The following C2orf69 variants were observed in gnomAD, a reference collection of about 807,000 sequenced individuals.
C2orf69 encodes the protein chromosome 2 open reading frame 69, also known as mitochondrial protein C2orf69.
Under a neutral mutation model 29.5 loss-of-function variants are expected in C2orf69, and 19 were observed. The observed-to-expected ratio is 0.65, with a 90% CI of 0.45 to 0.95. The LOEUF is 0.95. Ranked by LOEUF, C2orf69 falls within the 40% of genes least tolerant of loss-of-function variation. The pLI is 0.00. For missense variants in C2orf69, 416 were observed against 482.1 expected (o/e 0.86, Z 1.28); for synonymous variants, 194 against 180.0 (o/e 1.08, Z -0.62).
chr2:199,918,278 G>A (rs1211289733), intron 1 of C2orf69, among the ~76,000 whole-genome samples: 2 of 151,974 alleles, frequency 1.3e-5, no homozygotes, highest in African/African-American at 4.8e-5. Context: ...TTTAAAGTAG[G>A]TGCTTTCCAT....
At chr2:199,920,570 C>T (rs1239248645) in intron 1 of C2orf69, among the ~76,000 whole-genome samples, 1 of 151,958 alleles carries the variant, frequency 6.6e-6, no homozygotes, top group Admixed American at 6.6e-5. Flanking sequence ...TAGATGAGCC[C>T]TTCGAGATGT....
At chr2:199,914,777 T>G (rs1336105785) in intron 1 of C2orf69, among the ~76,000 whole-genome samples, 1 of 152,218 alleles carries the variant, frequency 6.6e-6, no homozygotes, top group Non-Finnish European at 1.5e-5. Flanking sequence ...TGGAACAGCC[T>G]TCCAAGTAGA....
intron 1 of C2orf69, among the ~76,000 whole-genome samples, chr2:199,916,002 G>C (rs2077291335): frequency 6.6e-6 from 1 of 152,150 alleles, no homozygotes. Flanking sequence ...TTACAAGAAA[G>C]CTAAGGCCAT....
At chr2:199,917,751 G>A (rs1379844761) in intron 1 of C2orf69, among the ~76,000 whole-genome samples, 1 of 152,136 alleles carries the variant, frequency 6.6e-6, no homozygotes, top group Non-Finnish European at 1.5e-5. Context: ...ACCTCTGCCT[G>A]TTACCCAGCT....
rs963595477 is a variant in C2orf69 at position 199,911,304 on chromosome 2, T to C, written c.-135T>C. On this transcript the variant is annotated 5_prime_UTR_variant, in exon 1 of 2. Transcript: ENST00000319974. ...GCGCGGACGTCGGCCTCTGACGTCG[T>C]CGCCTCAGCGCCGGCTCCCGGCCGG... 9.2e-7 allele frequency: 1 copy of C among 1,091,112 alleles called. No individual in the cohort carries two copies. Among genetic ancestry groups the C allele is most frequent in the Non-Finnish European group, 1.2e-6 (1 of 821,968 alleles). The allele number at this position is 1,091,112 out of a possible 1,614,324, so 67.6% of individuals were successfully genotyped here.
chr2:199,916,814 G>C (rs531115024), intron 1 of C2orf69, among the ~76,000 whole-genome samples: 1 of 152,320 alleles, frequency 6.6e-6, no homozygotes, highest in South Asian at 2.1e-4. Flanking sequence ...TTCATGGCTG[G>C]TGTTGAGTAT....
chr2:199,913,502 A>T (rs1439622942), intron 1 of C2orf69, among the ~76,000 whole-genome samples: 2 of 65,018 alleles, frequency 3.1e-5, no homozygotes, highest in Non-Finnish European at 5.3e-5. Context: ...TATTATATAA[A>T]ATATATATTA....
Position 199,925,819 on chromosome 2 carries a change from G to A in C2orf69, c.1091G>A (p.Ser364Asn), listed in dbSNP as rs753291869. Residue 364 changes from serine to asparagine, a missense_variant, in exon 2 of 2, where the codon AGC becomes AAC. By Grantham distance (46) the Ser-to-Asn change is conservative. Coordinates refer to ENST00000319974, the MANE Select transcript of C2orf69 (RefSeq NM_153689.6). The surrounding 1 kb of genome is among the most constrained non-coding windows in gnomAD (Gnocchi z 4.9). ...GGGGATCTTGGTATGCAGGTGACTA[G>A]CCAAATTCATTTTACAAAGGAAGCT... ...ILGDLGMQVT[S>N]QIHFTKEAPS... is the part of the protein sequence containing the mutation. 8 of 1,613,664 alleles carry A rather than the reference G, an allele frequency of 5.0e-6. No homozygotes were observed. The African/African-American group carries it at 1.1e-4, about 22-fold the overall frequency.
chr2:199,913,233 AAT>A (rs1186180424), intron 1 of C2orf69, among the ~76,000 whole-genome samples: 3 of 35,638 alleles, frequency 8.4e-5, no homozygotes, highest in East Asian at 1.0e-3. Context: ...TATATATTAT[AAT>A]ATATATAATA....
intron 1 of C2orf69, among the ~76,000 whole-genome samples, chr2:199,924,150 A>G (rs891695200): frequency 1.3e-5 from 2 of 152,206 alleles, no homozygotes; most frequent in East Asian, 1.9e-4. Context: ...ACTCATGCCT[A>G]TAATACCAAT....
chr2:199,922,448 C>G (rs1428117381), intron 1 of C2orf69, among the ~76,000 whole-genome samples: 3 of 151,994 alleles, frequency 2.0e-5, no homozygotes, highest in African/African-American at 7.2e-5. Context: ...TTTTTTAGTC[C>G]TTATTTTACA....
chr2:199,921,639 T>G (rs1226749755), intron 1 of C2orf69, among the ~76,000 whole-genome samples: 2 of 152,132 alleles, frequency 1.3e-5, no homozygotes, highest in African/African-American at 4.8e-5. Context: ...TAACCTTAGA[T>G]GTCTAACAAT....
Position 199,925,832 on chromosome 2 carries a change from TACAAA to T in C2orf69, c.1105_1109del (p.Thr369GlyfsTer13). Reference sequence around the variant, plus strand: ...TGCAGGTGACTAGCCAAATTCATTTTACAAAGGAAGCTCCTTCCATAGAGAATCAC... The same window carrying T: ...TGCAGGTGACTAGCCAAATTCATTTTGGAAGCTCCTTCCATAGAGAATCAC... On this transcript the variant is annotated frameshift_variant, in exon 2 of 2. Transcript: ENST00000319974. LOFTEE classifies it high-confidence loss of function. The surrounding 1 kb of genome is among the most constrained non-coding windows in gnomAD (Gnocchi z 4.9). The T allele has an allele frequency of 6.2e-7, 1 of 1,613,810 alleles. No individual in the cohort carries two copies. The highest frequency in any genetic ancestry group is 8.5e-7 in the Non-Finnish European group (1 of 1,179,792).
intron 1 of C2orf69, among the ~76,000 whole-genome samples, chr2:199,922,953 C>A (rs1336448085): frequency 6.6e-6 from 1 of 152,166 alleles, no homozygotes; most frequent in African/African-American, 2.4e-5. Context: ...TCTCCTTTTC[C>A]CCAAACCATC....
rs771069460 is a variant in C2orf69 at position 199,925,591 on chromosome 2, C to G, written c.863C>G (p.Ala288Gly). The change falls in exon 2 of 2, where the codon GCT (alanine) becomes GGT (glycine). Residue 288 changes from alanine to glycine, a missense_variant. This residue lies in a region of C2orf69 where 225 missense variants were observed against 307.3 expected (regional missense o/e 0.73). Transcript: ENST00000319974. The surrounding 1 kb of genome is among the most constrained non-coding windows in gnomAD (Gnocchi z 4.9). ...KEAKKDKNID[A>G]FIKSIRTMYW... ...GCCAAGAAAGACAAGAACATAGATG[C>G]TTTTATCAAAAGCATAAGAACAATG... 1 of 1,613,848 alleles carries G rather than the reference C, an allele frequency of 6.2e-7. No individual in the cohort carries two copies. The highest frequency in any genetic ancestry group is 2.2e-5 in the East Asian group (1 of 44,872).
chr2:199,921,873 G>T (rs2077317516), intron 1 of C2orf69, among the ~76,000 whole-genome samples: 1 of 151,416 alleles, frequency 6.6e-6, no homozygotes, highest in African/African-American at 2.4e-5. Flanking sequence ...TTTGTATATA[G>T]AATTTTTGTA....
chr2:199,915,707 G>C (rs1220931406), intron 1 of C2orf69, among the ~76,000 whole-genome samples: 1 of 151,686 alleles, frequency 6.6e-6, no homozygotes, highest in Non-Finnish European at 1.5e-5. Flanking sequence ...AGTAGAGATG[G>C]GGTTTCACCA....
chr2:199,917,387 A>G (rs1287067080), intron 1 of C2orf69, among the ~76,000 whole-genome samples: 2 of 152,188 alleles, frequency 1.3e-5, no homozygotes, highest in Non-Finnish European at 2.9e-5. Context: ...TCTCCTCAGA[A>G]AATGGGTTTT....
rs1201009100 is a variant in C2orf69 at position 199,927,310 on chromosome 2, A to T, written c.*1424A>T. Reference sequence around the variant, plus strand: ...GAAGTAACATGCTGCTTTAGGACTAAAAAAAAAAAAAAAAAAAAGACACTG... The same window carrying T: ...GAAGTAACATGCTGCTTTAGGACTATAAAAAAAAAAAAAAAAAAGACACTG... On this transcript the variant is annotated 3_prime_UTR_variant, in exon 2 of 2. Coordinates refer to ENST00000319974, the MANE Select transcript of C2orf69 (RefSeq NM_153689.6). 1 of 117,812 alleles carries T rather than the reference A, an allele frequency of 8.5e-6. No individual in the cohort carries two copies. The allele number at this position is 117,812 out of a possible 1,614,324, so 7.3% of individuals were successfully genotyped here.
Sources: allele counts gnomAD v4.1 joint callset (sites outside exome capture counted in the v4.1 genomes callset), GRCh38; gene constraint gnomAD v4.1.1; regional missense constraint gnomAD v4.1.1; non-coding constraint Gnocchi (gnomAD v3.1); transcripts MANE v1.5; gene names NCBI Gene and HGNC (gene_info 2026-07-23, HGNC 2026-07-21).